THADA: variants seen among roughly 807,000 people sequenced by gnomAD.
THADA encodes the protein THADA armadillo repeat containing, also known as tRNA (32-2'-O)-methyltransferase regulator THADA.
Under a neutral mutation model 219.8 loss-of-function variants are expected in THADA, and 213 were observed. The observed-to-expected ratio is 0.97, with a 90% CI of 0.87 to 1.09. The LOEUF is 1.09. Among genes scored for constraint, THADA ranks in the 50% least tolerant of loss-of-function variants. THADA has a pLI of 0.00. For synonymous variants in THADA, 1,018 were observed against 828.9 expected (o/e 1.23, Z -3.92); for missense variants, 2,956 against 2,311.3 (o/e 1.28, Z -5.72).
chr2:43,471,736 C>T (rs907934134), intron 26 of THADA, among the ~76,000 whole-genome samples: 1 of 152,130 alleles, frequency 6.6e-6, no homozygotes, highest in Admixed American at 6.5e-5. Flanking sequence ...ACATTTGGTT[C>T]CTAATTAATG....
At position 43,290,991 on chromosome 2, in the gene THADA, C is replaced by A. The variant is rs139898790; in HGVS notation, c.5010+705G>T. On this transcript the variant is annotated intron_variant, in intron 34 of 37. Coordinates refer to ENST00000405975, the MANE Select transcript of THADA (RefSeq NM_022065.5). ...TATTTAAGCCTTAGCGATGTATTTG[C>A]ATACTTAGTTCACTAGGTTGCAATC... is the stretch of plus-strand genomic sequence containing the variant. Among the ~76,000 whole-genome samples the A allele has an allele frequency of 3.4e-4, 52 of 152,090 alleles. 3 individuals carry two copies. In the East Asian group the frequency reaches 9.9e-3, roughly 29 times the overall value.
At position 43,562,740 on chromosome 2, in the gene THADA, G is replaced by T. The variant is rs1358997945; in HGVS notation, c.2312-2355C>A. On this transcript the variant is annotated intron_variant, in intron 15 of 37. Coordinates refer to ENST00000405975, the MANE Select transcript of THADA (RefSeq NM_022065.5). ...CCTTCTCTTCCTCTGTGAGCCTTTT[G>T]AATACTGATTCAATCTCTTATAGGT... 4 of 152,250 alleles carry T rather than the reference G, an allele frequency of 2.6e-5. No homozygotes were observed. In the East Asian group the frequency reaches 7.7e-4, roughly 29 times the overall value. The allele number at this position is 152,250 out of a possible 1,614,324, so 9.4% of individuals were successfully genotyped here. A position where few individuals can be genotyped will look rare whatever the true frequency, so the allele number is the denominator to read the frequency against.
chr2:43,430,260 A>G lies in THADA; in HGVS notation c.3879T>C (p.Tyr1293=). The change falls in exon 27 of 38, where the codon TAT becomes TAC. Residue 1293 remains tyrosine, a synonymous_variant. Coordinates refer to ENST00000405975, the MANE Select transcript of THADA (RefSeq NM_022065.5). ...TTTCCAACTGTTTGAGAAGAAAAGGATAGAGTTCTGGGAAACGAGAGAAAA... is the reference window on the plus strand; with the variant it reads ...TTTCCAACTGTTTGAGAAGAAAAGGGTAGAGTTCTGGGAAACGAGAGAAAA... The part of the protein sequence containing the change: ...REFFSRFPEL[Y]PFLLKQLETV... The G allele has an allele frequency of 6.4e-7, 1 of 1,552,648 alleles. No individual in the cohort carries two copies. Among genetic ancestry groups the G allele is most frequent in the Non-Finnish European group, 8.7e-7 (1 of 1,147,898 alleles).
intron 30 of THADA, among the ~76,000 whole-genome samples, chr2:43,342,012 ACC>A (rs1667111948): frequency 6.6e-6 from 1 of 152,160 alleles, no homozygotes; most frequent in African/African-American, 2.4e-5. Context: ...GGAGTTCGAG[ACC>A]AGCCTGGGCA....
chr2:43,405,255 T>C (rs1439183970), intron 28 of THADA, among the ~76,000 whole-genome samples: 1 of 152,228 alleles, frequency 6.6e-6, no homozygotes, highest in African/African-American at 2.4e-5. Context: ...GTGTGGTTCG[T>C]AGTTTCAAAT....
Position 43,424,969 on chromosome 2 carries a change from G to C in THADA, c.4058+3131C>G, listed in dbSNP as rs533343266. On this transcript the variant is annotated intron_variant, in intron 28 of 37. Transcript: ENST00000405975. ...TACGTCTATATCCAGAAGACAGCCTGTACTCAGATACAGCAGCTGTGGATA... is the reference window on the plus strand; with the variant it reads ...TACGTCTATATCCAGAAGACAGCCTCTACTCAGATACAGCAGCTGTGGATA... Among the ~76,000 whole-genome samples the C allele has an allele frequency of 3.9e-5, 6 of 152,240 alleles. No homozygotes were observed. The South Asian group carries it at 1.2e-3, about 32-fold the overall frequency.
intron 34 of THADA, among the ~76,000 whole-genome samples, chr2:43,288,556 A>G (rs1036772499): frequency 3.9e-5 from 6 of 152,240 alleles, no homozygotes; most frequent in Non-Finnish European, 8.8e-5. Context: ...ACAGATACAC[A>G]GGGAGAGGTC....
At position 43,505,692 on chromosome 2, in the gene THADA, A is replaced by G; in HGVS notation, c.3551T>C (p.Leu1184Ser). The change falls in exon 24 of 38, where the codon TTG (leucine) becomes TCG (serine). Residue 1184 changes from leucine (L) to serine (S), a missense_variant. Physicochemically the swap from Leu to Ser is moderately radical, Grantham distance 145 (BLOSUM62 -2). Coordinates refer to ENST00000405975, the MANE Select transcript of THADA (RefSeq NM_022065.5). ...GATTAACTCTTTCATTGTTATTTTC[A>G]ACAAATCCATTCTGCCTTTCTTTGG... is the stretch of plus-strand genomic sequence containing the variant. The part of the protein sequence containing the change: ...SEPKKGRMDL[L>S]KITMKELISL... 6.3e-7 allele frequency: 1 copy of G among 1,592,950 alleles called. No homozygotes were observed. Among genetic ancestry groups the G allele is most frequent in the Non-Finnish European group, 8.6e-7 (1 of 1,168,182 alleles).
rs550851868 is a variant in THADA at position 43,275,508 on chromosome 2, G to A, written c.5296+4257C>T. Among the ~76,000 whole-genome samples the A allele has an allele frequency of 3.3e-5, 5 of 152,270 alleles. No homozygotes were observed. The East Asian group carries it at 5.8e-4, about 18-fold the overall frequency. The stretch of plus-strand genomic sequence containing the variant: ...CCCATCCAGCTCCCAGAGGCACCCT[G>A]CCTCTGCTAAGTGGAACGTATGTGG... On this transcript the variant is annotated intron_variant, in intron 36 of 37. Coordinates refer to ENST00000405975, the MANE Select transcript of THADA (RefSeq NM_022065.5).
At position 43,238,118 on chromosome 2, in the gene THADA, C is replaced by CAAAAAAAAAAAAAA. The variant is rs59802310; in HGVS notation, c.5297-5250_5297-5237dup. Among the ~76,000 whole-genome samples the CAAAAAAAAAAAAAA allele has an allele frequency of 4.2e-4, 12 of 28,282 alleles. 1 individual carries two copies. Among genetic ancestry groups the CAAAAAAAAAAAAAA allele is most frequent in the Admixed American group, 7.2e-4 (1 of 1,392 alleles). 18.6% of individuals were successfully genotyped at this position (28,282 alleles called of 152,430 possible). On this transcript the variant is annotated intron_variant, in intron 36 of 37. Transcript: ENST00000405975. ...TGGATGACAGAGCAAGATTCCATCT[C>CAAAAAAAAAAAAAA]AAAAAAAAAAAAAAAAAAAAAAAAA...
chr2:43,408,693 C>T (rs1675903987), intron 28 of THADA, among the ~76,000 whole-genome samples: 1 of 152,148 alleles, frequency 6.6e-6, no homozygotes, highest in Non-Finnish European at 1.5e-5. Context: ...TCTATAAAAG[C>T]TTATTAGAGT....
At chr2:43,495,480 GAGAA>G (rs1688147366) in intron 25 of THADA, among the ~76,000 whole-genome samples, 2 of 152,032 alleles carry the variant, frequency 1.3e-5, no homozygotes, top group African/African-American at 4.8e-5. Flanking sequence ...CATAAAAAAA[GAGAA>G]AGAAAATGAA....
chr2:43,386,941 G>A (rs887028202), intron 29 of THADA, among the ~76,000 whole-genome samples: 2 of 150,358 alleles, frequency 1.3e-5, no homozygotes, highest in Admixed American at 1.3e-4. Context: ...CGTCATGTAT[G>A]TTCAGTACCC....
Position 43,590,821 on chromosome 2 carries a change from T to A in THADA, c.302+3A>T. On this transcript the variant is annotated splice_donor_region_variant and intron_variant, in intron 4 of 37. Coordinates refer to ENST00000405975, the MANE Select transcript of THADA (RefSeq NM_022065.5). ...ACCCAACTTCCCTTCCTTTTTTTCT[T>A]ACCTTGCCAATACTTTCTTCAAGGG... 1 of 1,610,988 alleles carries A rather than the reference T, an allele frequency of 6.2e-7. No individual in the cohort carries two copies. The highest frequency in any genetic ancestry group is 8.5e-7 in the Non-Finnish European group (1 of 1,179,004).
At chr2:43,294,201 C>T (rs534310561) in intron 31 of THADA, among the ~76,000 whole-genome samples, 2 of 152,130 alleles carry the variant, frequency 1.3e-5, no homozygotes, top group African/African-American at 4.8e-5. Flanking sequence ...ATTCTCAGTT[C>T]TGATTAAAAA....
chr2:43,281,686 C>T (rs561203952), intron 35 of THADA, among the ~76,000 whole-genome samples: 1 of 152,258 alleles, frequency 6.6e-6, no homozygotes, highest in African/African-American at 2.4e-5. Flanking sequence ...ACCCACCCTC[C>T]TCAGCCTCCC....
rs1306702273 is a variant in THADA, at chr2:43,367,572, C to T, written c.4228-23335G>A. Among the ~76,000 whole-genome samples, 3 of 152,044 alleles carry T rather than the reference C, an allele frequency of 2.0e-5. No homozygotes were observed. The East Asian group carries it at 5.8e-4, about 29-fold the overall frequency. ...AAATCCACTTTGACTTCTTTTAATC[C>T]TTTATCAAAACAAAAAACAAAAATC... On this transcript the variant is annotated intron_variant, in intron 29 of 37. Transcript: ENST00000405975.
chr2:43,293,297 A>G (rs1674967780), intron 31 of THADA, 84 bp from the exon 32 acceptor site: 1 of 1,450,956 alleles, frequency 6.9e-7, no homozygotes, highest in Admixed American at 2.1e-5. Context: ...GACTGAATCC[A>G]CTGCGTGAGG....
At chr2:43,526,912 T>G (rs1693235770) in intron 22 of THADA, among the ~76,000 whole-genome samples, 2 of 149,796 alleles carry the variant, frequency 1.3e-5, no homozygotes, top group South Asian at 4.3e-4. Context: ...GTGTTGTGTT[T>G]TGAGGGAAAA....
Sources: allele counts gnomAD v4.1 joint callset (sites outside exome capture counted in the v4.1 genomes callset), GRCh38; gene constraint gnomAD v4.1.1; transcripts MANE v1.5; gene names NCBI Gene and HGNC (gene_info 2026-07-23, HGNC 2026-07-21).